STAM2: variants seen among roughly 807,000 people sequenced by gnomAD.
STAM2 encodes signal transducing adaptor molecule 2, also known as signal transducing adapter molecule 2.
Under a neutral mutation model 65.6 loss-of-function variants are expected in STAM2, and 51 were observed. The observed-to-expected ratio is 0.78, with a 90% CI of 0.62 to 0.98. STAM2 has a LOEUF of 0.98. Among genes scored for constraint, STAM2 ranks in the 50% least tolerant of loss-of-function variants. STAM2 has a pLI of 0.00. For synonymous variants in STAM2, 198 were observed against 208.4 expected, an observed-to-expected ratio of 0.95 and a Z score of 0.43; for missense variants, 584 against 617.8, an observed-to-expected ratio of 0.95 and a Z score of 0.58.
chr2:152,133,451 T>A lies in STAM2; in HGVS notation c.833A>T (p.Asp278Val), dbSNP rs760144629. The A allele has an allele frequency of 6.2e-7, 1 of 1,612,706 alleles. No individual in the cohort carries two copies. The highest frequency in any genetic ancestry group is 8.5e-7 in the Non-Finnish European group (1 of 1,179,290). Residue 278 changes from aspartate (D) to valine (V), a missense_variant, in exon 9 of 14, where the codon GAT becomes GTT. Transcript: ENST00000263904. The stretch of plus-strand genomic sequence containing the variant: ...CTCTGATTTCTTAATTTCCTCCACA[T>A]CATCATCAATTACATTCAATTTGTC... ...AVDKLNVIDDDVEEIKKSEPE... is the reference protein window; with the variant it reads ...AVDKLNVIDDVVEEIKKSEPE...
intron 1 of STAM2, 34 bp downstream of exon 1, chr2:152,175,569 C>T: frequency 6.2e-7 from 1 of 1,613,728 alleles, no homozygotes; most frequent in Non-Finnish European, 8.5e-7. Flanking sequence ...CAGGGCCAGG[C>T]ACACAGCAGT....
At chr2:152,172,769 G>A (rs2105573622) in intron 1 of STAM2, among the ~76,000 whole-genome samples, 1 of 151,738 alleles carries the variant, frequency 6.6e-6, no homozygotes, top group African/African-American at 2.4e-5. Flanking sequence ...TACTCGGGAG[G>A]CTGAGGCAGG....
intron 1 of STAM2, among the ~76,000 whole-genome samples, chr2:152,159,110 TACAC>T (rs1553847557): frequency 1.2e-4 from 16 of 129,166 alleles, no homozygotes; most frequent in South Asian, 5.5e-4. Context: ...TATATATATA[TACAC>T]ACACAGATAT....
rs1219131390 is a variant in STAM2 at position 152,118,597 on chromosome 2, TACAC to T, written c.*1973_*1976del. 6.6e-6 allele frequency: 1 copy of T among 151,558 alleles called. No homozygotes were observed. Among genetic ancestry groups the T allele is most frequent in the Non-Finnish European group, 1.5e-5 (1 of 67,824 alleles). The allele number at this position is 151,558 out of a possible 1,614,324, so 9.4% of individuals were successfully genotyped here. A position where few individuals can be genotyped will look rare whatever the true frequency, so the allele number is the denominator to read the frequency against. Reference sequence around the variant, plus strand: ...ATTGAGATCACAATTATACATGAAATACACAAACATTAAAATAAGTTTATTAAAT... The same window carrying T: ...ATTGAGATCACAATTATACATGAAATAAACATTAAAATAAGTTTATTAAAT... On this transcript the variant is annotated 3_prime_UTR_variant, in exon 14 of 14. Coordinates refer to ENST00000263904, the MANE Select transcript of STAM2 (RefSeq NM_005843.6).
chr2:152,144,088 T>G, intron 6 of STAM2, 75 bp from the exon 7 acceptor site: 1 of 1,356,468 alleles, frequency 7.4e-7, no homozygotes, highest in South Asian at 1.3e-5. Flanking sequence ...CAATGTAAAA[T>G]TTAATAAGAA....
At chr2:152,160,625 C>T (rs1174266243) in intron 1 of STAM2, among the ~76,000 whole-genome samples, 1 of 150,474 alleles carries the variant, frequency 6.6e-6, no homozygotes, top group African/African-American at 2.4e-5. Context: ...CCCACCCAGG[C>T]CAGCCGCCCC....
chr2:152,120,307 G>A lies in STAM2; in HGVS notation c.*267C>T. 2.2e-6 allele frequency: 1 copy of A among 448,538 alleles called. No individual in the cohort carries two copies. Among genetic ancestry groups the A allele is most frequent in the Non-Finnish European group, 4.0e-6 (1 of 249,944 alleles). 27.8% of individuals were successfully genotyped at this position (448,538 alleles called of 1,614,324 possible). A position where few individuals can be genotyped will look rare whatever the true frequency, so the allele number is the denominator to read the frequency against. ...CTACTTAATGAGTATCTAGATTTAT[G>A]TAGAGAAATCTGAAAGTAAGACAAA... On this transcript the variant is annotated 3_prime_UTR_variant, in exon 14 of 14. Coordinates refer to ENST00000263904, the MANE Select transcript of STAM2 (RefSeq NM_005843.6).
rs779021196 is a variant in STAM2, at chr2:152,132,128, A to G, written c.1011T>C (p.Leu337=). ...AAAAATCTCACCTATCAATTTCTTC[A>G]AGTTTTTCATCTATCATTGGACCCA... ...QQMGPMIDEK[L]EEIDRKHSEL... is the part of the protein sequence containing the mutation. The change falls in exon 11 of 14, where the codon CTT becomes CTC. Residue 337 remains leucine (L), a synonymous_variant. Transcript: ENST00000263904. 5.7e-5 allele frequency: 92 copies of G among 1,611,844 alleles called. 1 individual carries two copies. In the Admixed American group the frequency reaches 1.5e-3, roughly 25 times the overall value.
intron 1 of STAM2, among the ~76,000 whole-genome samples, chr2:152,170,866 C>T (rs925950785): frequency 4.0e-5 from 6 of 151,764 alleles, no homozygotes; most frequent in African/African-American, 9.7e-5. Flanking sequence ...CATGGTGGTG[C>T]GCACCTGTAA....
In STAM2 at chr2:152,173,156, C is replaced by G. The variant is rs562309792; in HGVS notation, c.40+2447G>C. ...CCATAGATTAACACAATGCTTGACA[C>G]ACAGTAATTATTCAATGTATGCCTG... is the stretch of plus-strand genomic sequence containing the variant. On this transcript the variant is annotated intron_variant, in intron 1 of 13. Transcript: ENST00000263904. 6.0e-5 allele frequency among the ~76,000 whole-genome samples: 9 copies of G among 148,926 alleles called. No homozygotes were observed. The South Asian group carries it at 1.9e-3, about 31-fold the overall frequency.
intron 1 of STAM2, among the ~76,000 whole-genome samples, chr2:152,152,192 C>T (rs111306039): frequency 0.15 from 22,801 of 152,076 alleles, 2,618 homozygotes; most frequent in East Asian, 0.58. Flanking sequence ...CTGCCCACCT[C>T]GGCCTCCCAA....
intron 1 of STAM2, among the ~76,000 whole-genome samples, chr2:152,150,693 C>T (rs1216597892): frequency 6.6e-6 from 1 of 152,142 alleles, no homozygotes; most frequent in Admixed American, 6.5e-5. Context: ...GTAATCTTAG[C>T]TACTTGGGAG....
In STAM2 at chr2:152,165,197, G is replaced by A. The variant is rs553391046; in HGVS notation, c.40+10406C>T. On this transcript the variant is annotated intron_variant, in intron 1 of 13. Coordinates refer to ENST00000263904, the MANE Select transcript of STAM2 (RefSeq NM_005843.6). ...TCCCAGCACTTTGGGAGGCCGAGGC[G>A]GGCAGATCATGAGGTCAGGAGATCA... Among the ~76,000 whole-genome samples the A allele has an allele frequency of 2.4e-4, 36 of 152,156 alleles. 1 individual carries two copies. In the South Asian group the frequency reaches 5.2e-3, roughly 22 times the overall value.
intron 8 of STAM2, among the ~76,000 whole-genome samples, chr2:152,135,218 A>C (rs940640240): frequency 6.6e-6 from 1 of 152,214 alleles, no homozygotes; most frequent in Admixed American, 6.5e-5. Context: ...CTTACACTAC[A>C]TAGTTAGGTT....
chr2:152,152,442 G>A (rs999132815), intron 1 of STAM2, among the ~76,000 whole-genome samples: 4 of 151,910 alleles, frequency 2.6e-5, no homozygotes, highest in East Asian at 1.9e-4. Flanking sequence ...CCAGCTACTC[G>A]GAAGGCTGAG....
chr2:152,168,153 T>C (rs1202875042), intron 1 of STAM2, among the ~76,000 whole-genome samples: 2 of 147,398 alleles, frequency 1.4e-5, no homozygotes, highest in South Asian at 2.2e-4. Flanking sequence ...CATACTTATA[T>C]ACAAGGCCTA....
chr2:152,130,841 A>G (rs552114250), intron 11 of STAM2, among the ~76,000 whole-genome samples: 13 of 151,838 alleles, frequency 8.6e-5, no homozygotes, highest in African/African-American at 3.1e-4. Context: ...TACTAAAAAT[A>G]CAAAAATTAG....
chr2:152,162,953 C>T (rs78356631), intron 1 of STAM2, among the ~76,000 whole-genome samples: 2,821 of 152,260 alleles, frequency 0.019, 95 homozygotes, highest in African/African-American at 0.065. Context: ...AGCCACTGTG[C>T]CTGGTCCAGA....
rs541543377 is a variant in STAM2 at position 152,173,575 on chromosome 2, T to G, written c.40+2028A>C. 1.1e-3 allele frequency among the ~76,000 whole-genome samples: 174 copies of G among 151,962 alleles called. 1 individual carries two copies. The highest frequency in any genetic ancestry group is 4.0e-3 in the African/African-American group (166 of 41,466). On this transcript the variant is annotated intron_variant, in intron 1 of 13. Coordinates refer to ENST00000263904, the MANE Select transcript of STAM2 (RefSeq NM_005843.6). Reference sequence around the variant, plus strand: ...CCATGCCTGGCTAATTTTTTGTATTTTGGTAGAAACGGGGTTTCACCATGT... The same window carrying G: ...CCATGCCTGGCTAATTTTTTGTATTGTGGTAGAAACGGGGTTTCACCATGT...
Sources: gnomAD v4.1 joint callset for allele counts (sites outside exome capture counted in the v4.1 genomes callset) on GRCh38, gnomAD v4.1.1 for gene constraint, MANE v1.5 for transcripts, NCBI Gene and HGNC (gene_info 2026-07-23, HGNC 2026-07-21) for gene names.